LDB1: variants seen among roughly 807,000 people sequenced by gnomAD.
LDB1 encodes the protein LIM domain binding 1.
LDB1 carries 6 observed loss-of-function variants against 49.7 expected under a neutral mutation model. That is an observed-to-expected ratio of 0.12 (90% CI 0.07 to 0.24). The LOEUF (loss-of-function observed/expected upper bound fraction) is 0.24. Among genes scored for constraint, LDB1 ranks in the 10% least tolerant of loss-of-function variants. The pLI is 1.00. For missense variants in LDB1, 341 were observed against 561.7 expected, an observed-to-expected ratio of 0.61 and a Z score of 3.97; for synonymous variants, 233 against 202.0, an observed-to-expected ratio of 1.15 and a Z score of -1.30.
intron 5 of LDB1, 44 bp from the exon 6 acceptor site, chr10:102,110,745 A>G: frequency 6.3e-7 from 1 of 1,598,370 alleles, no homozygotes; most frequent in South Asian, 1.1e-5. Context: ...GGACCGCAAA[A>G]GGGGCCAGGC....
At chr10:102,119,816 C>T (rs1218294747) in intron 1 of LDB1, among the ~76,000 whole-genome samples, 2 of 151,450 alleles carry the variant, frequency 1.3e-5, no homozygotes, top group Non-Finnish European at 2.9e-5. Context: ...ATTTCAGCCC[C>T]CCCCAAACCT....
intron 3 of LDB1, 37 bp downstream of exon 3, chr10:102,111,219 G>C: frequency 1.2e-6 from 2 of 1,613,432 alleles, no homozygotes; most frequent in African/African-American, 1.3e-5. Flanking sequence ...CCTTCACCCA[G>C]TGGAAAGCAC....
chr10:102,113,759 TAAA>T (rs11422831), intron 1 of LDB1, among the ~76,000 whole-genome samples: 3 of 123,638 alleles, frequency 2.4e-5, no homozygotes, highest in Non-Finnish European at 3.6e-5. Flanking sequence ...TCCAATTTTG[TAAA>T]AAAAAAAAAA....
At chr10:102,118,282 G>C (rs1346105915) in intron 1 of LDB1, among the ~76,000 whole-genome samples, 1 of 151,952 alleles carries the variant, frequency 6.6e-6, no homozygotes, top group African/African-American at 2.4e-5. Flanking sequence ...ACCCTCTTTG[G>C]CATCAATCTA....
chr10:102,113,256 TGTGTGCCTGCACACAC>T (rs1338891224), intron 1 of LDB1, among the ~76,000 whole-genome samples: 2 of 152,188 alleles, frequency 1.3e-5, no homozygotes, highest in African/African-American at 2.4e-5. Flanking sequence ...TCAGAGCCTG[TGTGTGCCTGCACACAC>T]GTGTGCCTCA....
chr10:102,115,558 T>C (rs996531841), intron 1 of LDB1, among the ~76,000 whole-genome samples: 1 of 151,960 alleles, frequency 6.6e-6, no homozygotes, highest in Non-Finnish European at 1.5e-5. Flanking sequence ...CCCAGCTAAA[T>C]TCCAAGCCTT....
chr10:102,105,802 A>AT (rs2068153463), downstream of LDB1, among the ~76,000 whole-genome samples: 3 of 149,868 alleles, frequency 2.0e-5, no homozygotes, highest in Admixed American at 2.0e-4. Flanking sequence ...TCTCTACTAA[A>AT]AAAAAAAAAA....
In LDB1 at chr10:102,107,828, CAT is replaced by C; in HGVS notation, c.*263_*264del. ...CAAATGCCCTGGGGGGTGGTCAGGA[CAT>C]GTCTCAGAGGCCCAGGTTCCAAGTA... On this transcript the variant is annotated 3_prime_UTR_variant, in exon 11 of 11. Transcript: ENST00000673968. The C allele has an allele frequency of 1.8e-6, 1 of 545,526 alleles. No homozygotes were observed. Among genetic ancestry groups the C allele is most frequent in the Non-Finnish European group, 3.3e-6 (1 of 303,700 alleles). 33.8% of individuals were successfully genotyped at this position (545,526 alleles called of 1,614,324 possible).
downstream of LDB1, among the ~76,000 whole-genome samples, chr10:102,103,684 C>T (rs981072717): frequency 3.9e-5 from 6 of 151,926 alleles, no homozygotes; most frequent in East Asian, 1.9e-4. Context: ...CATGGTGGTG[C>T]GCACCTGTAG....
chr10:102,121,361 A>G (rs1208407139), upstream of LDB1, among the ~76,000 whole-genome samples: 1 of 152,116 alleles, frequency 6.6e-6, no homozygotes, highest in African/African-American at 2.4e-5. Context: ...GGAGATGAGA[A>G]CAGGAAACAG....
At position 102,108,073 on chromosome 10, in the gene LDB1, G is replaced by C; in HGVS notation, c.*20C>G. ...GGTGGGGCAGGTAGGCAGAGCACTG[G>C]GTGGCCACAGCAGGGCCTTTTACTG... On this transcript the variant is annotated 3_prime_UTR_variant, in exon 11 of 11. Coordinates refer to ENST00000673968, the MANE Select transcript of LDB1 (RefSeq NM_001113407.3). 6.3e-7 allele frequency: 1 copy of C among 1,579,728 alleles called. No individual in the cohort carries two copies. Among genetic ancestry groups the C allele is most frequent in the Non-Finnish European group, 8.7e-7 (1 of 1,149,538 alleles).
At position 102,109,861 on chromosome 10, in the gene LDB1, T is replaced by A. The variant is rs1209894920; in HGVS notation, c.648+60A>T. On this transcript the variant is annotated intron_variant, in intron 7 of 10. Coordinates refer to ENST00000673968, the MANE Select transcript of LDB1 (RefSeq NM_001113407.3). The surrounding 1 kb of genome is among the most constrained non-coding windows in gnomAD (Gnocchi z 5.8). ...TAGTCAGTCGGGAAATGGCAGACCT[T>A]GTTCCACCCTTCCCCCGCCTGCCTT... 5 of 1,588,308 alleles carry A rather than the reference T, an allele frequency of 3.1e-6. No individual in the cohort carries two copies. The highest frequency in any genetic ancestry group is 4.3e-6 in the Non-Finnish European group (5 of 1,167,136).
intron 1 of LDB1, among the ~76,000 whole-genome samples, chr10:102,112,190 AC>A (rs2068265883): frequency 6.6e-6 from 1 of 152,176 alleles, no homozygotes; most frequent in Non-Finnish European, 1.5e-5. Context: ...ATATTGATAA[AC>A]CCCCTTTTAA....
chr10:102,110,434 G>T, intron 6 of LDB1, 95 bp downstream of exon 6: 1 of 1,282,228 alleles, frequency 7.8e-7, no homozygotes, highest in Non-Finnish European at 1.1e-6. Flanking sequence ...TTCACATTAT[G>T]CCTCCCTGGG....
At chr10:102,115,985 C>T (rs1357421160) in intron 1 of LDB1, among the ~76,000 whole-genome samples, 1 of 151,916 alleles carries the variant, frequency 6.6e-6, no homozygotes, top group Non-Finnish European at 1.5e-5. Context: ...TCCTTCTTTG[C>T]AATTTGAGTG....
In LDB1 at chr10:102,108,394, C is replaced by T. The variant is rs1159140256; in HGVS notation, c.1006-71G>A. ...CCCGGCCCAGGGCGGCAGATACCCCCAGAGCCCCAGTACCCACCCTGGAAG... is the reference window on the plus strand; with the variant it reads ...CCCGGCCCAGGGCGGCAGATACCCCTAGAGCCCCAGTACCCACCCTGGAAG... On this transcript the variant is annotated intron_variant, in intron 10 of 10. Transcript: ENST00000673968. 3 of 1,215,184 alleles carry T rather than the reference C, an allele frequency of 2.5e-6. No individual in the cohort carries two copies. The South Asian group carries it at 3.9e-5, about 16-fold the overall frequency. 75.3% of individuals were successfully genotyped at this position (1,215,184 alleles called of 1,614,324 possible).
chr10:102,108,352 A>C, intron 10 of LDB1, 29 bp from the exon 11 acceptor site: 7 of 1,580,806 alleles, frequency 4.4e-6, no homozygotes, highest in Non-Finnish European at 5.2e-6. Flanking sequence ...CCCAAACATA[A>C]TCGGGGCAAG....
At chr10:102,104,061 TAA>T (rs879920056), downstream of LDB1, among the ~76,000 whole-genome samples, 9 of 138,848 alleles carry the variant, frequency 6.5e-5, no homozygotes, top group Non-Finnish European at 7.9e-5. Context: ...GACTCTATCT[TAA>T]AAAAAAAAAA....
chr10:102,103,006 A>C (rs1564908193), downstream of LDB1, among the ~76,000 whole-genome samples: 1 of 152,150 alleles, frequency 6.6e-6, no homozygotes, highest in Admixed American at 6.5e-5. Context: ...TTCGAAGTCC[A>C]TCATGAAACT....
Sources: allele counts gnomAD v4.1 joint callset (sites outside exome capture counted in the v4.1 genomes callset), GRCh38; gene constraint gnomAD v4.1.1; non-coding constraint Gnocchi (gnomAD v3.1); transcripts MANE v1.5; gene names NCBI Gene and HGNC (gene_info 2026-07-23, HGNC 2026-07-21).